Variants in CORO2B observed in about 807,000 individuals in gnomAD.
CORO2B encodes coronin 2B.
CORO2B carries 26 observed loss-of-function variants against 58.8 expected under a neutral mutation model. The ratio of observed to expected loss-of-function variants is 0.44; its 90% CI spans 0.32 to 0.61. The LOEUF (loss-of-function observed/expected upper bound fraction) is 0.61. CORO2B is among the 20% of genes least tolerant of loss of function. The pLI, the probability that CORO2B is intolerant of heterozygous loss-of-function variation, is 0.04. For synonymous variants in CORO2B, 242 were observed against 253.8 expected (o/e 0.95, Z 0.44); for missense variants, 460 against 645.1 (o/e 0.71, Z 3.11).
At chr15:68,725,812 C>T in intron 11 of CORO2B, 31 bp from the exon 12 acceptor site, 1 of 1,612,064 alleles carries the variant, frequency 6.2e-7, no homozygotes, top group Non-Finnish European at 8.5e-7. Flanking sequence ...CTCCTGGGCC[C>T]TCCTTGGCCC....
chr15:68,531,513 AAGGAAGGAAGGAAGGAAGG>A, the CORO2B span, among the ~76,000 whole-genome samples: 1 of 5,784 alleles, frequency 1.7e-4, no homozygotes, highest in Admixed American at 1.7e-3. Context: ...GGAAGGAAGG[AAGGAAGGAAGGAAGGAAGG>A]AAGGAAGGAA....
At chr15:68,610,395 C>A (rs1900220518) in intron 1 of CORO2B, among the ~76,000 whole-genome samples, 1 of 152,046 alleles carries the variant, frequency 6.6e-6, no homozygotes, top group African/African-American at 2.4e-5. Context: ...TTCCTGTATA[C>A]CCCCCAATTT....
chr15:68,710,931 G>A lies in CORO2B; in HGVS notation c.483+50G>A, dbSNP rs199949914. On this transcript the variant is annotated intron_variant, in intron 4 of 11. Transcript: ENST00000261861. This position sits in a 1 kb window ranked among gnomAD's most constrained non-coding sequence, Gnocchi z 4.1. ...TGGAGAGGGATTGGGGAAGAGAAAG[G>A]GGCCTTTTGGGTACCCGTAGGAAGC... 10 of 1,527,122 alleles carry A rather than the reference G, an allele frequency of 6.5e-6. No individual in the cohort carries two copies. In the African/African-American group the frequency reaches 1.4e-4, roughly 21 times the overall value. 94.6% of individuals were successfully genotyped at this position (1,527,122 alleles called of 1,614,324 possible).
intron 1 of CORO2B, chr15:68,631,973 T>C (rs1207270076): frequency 1.0e-6 from 1 of 985,298 alleles, no homozygotes; most frequent in Non-Finnish European, 1.2e-6. Context: ...GTGGGCTCTC[T>C]CTTGGTTGCT....
At position 68,669,255 on chromosome 15, in the gene CORO2B, G is replaced by T. The variant is rs187973296; in HGVS notation, c.216+23895G>T. On this transcript the variant is annotated intron_variant, in intron 2 of 11. Transcript: ENST00000261861. ...TTGAGAAGCAGGGAGCCCTGTTCAC[G>T]CCCAGACCATGGCCTGTTCACTGTG... 1.6e-3 allele frequency among the ~76,000 whole-genome samples: 251 copies of T among 152,324 alleles called. 2 individuals are homozygous for T. Among genetic ancestry groups the T allele is most frequent in the Non-Finnish European group, 2.8e-3 (191 of 68,026 alleles).
chr15:68,613,462 C>T (rs925856920), intron 1 of CORO2B, among the ~76,000 whole-genome samples: 1 of 152,192 alleles, frequency 6.6e-6, no homozygotes, highest in Admixed American at 6.5e-5. Context: ...TCCCTTCTTT[C>T]TCTCTATGTG....
intron 2 of CORO2B, among the ~76,000 whole-genome samples, chr15:68,685,420 C>T (rs1422704422): frequency 6.6e-6 from 1 of 152,206 alleles, no homozygotes; most frequent in Non-Finnish European, 1.5e-5. Flanking sequence ...CCATGTTGCC[C>T]AGGCTGGTCT....
At chr15:68,725,291 C>T (rs1343478502) in intron 11 of CORO2B, among the ~76,000 whole-genome samples, 3 of 152,110 alleles carry the variant, frequency 2.0e-5, no homozygotes, top group Non-Finnish European at 2.9e-5. Context: ...ATTGTTTGAA[C>T]CCAGGAGACA....
intron 1 of CORO2B, among the ~76,000 whole-genome samples, chr15:68,611,797 G>T (rs1251896313): frequency 4.1e-5 from 6 of 146,028 alleles, no homozygotes; most frequent in African/African-American, 1.5e-4. Flanking sequence ...TTTGAGACAA[G>T]ATCTTACTCT....
At chr15:68,610,220 T>C (rs1197931357) in intron 1 of CORO2B, among the ~76,000 whole-genome samples, 1 of 152,154 alleles carries the variant, frequency 6.6e-6, no homozygotes, top group Non-Finnish European at 1.5e-5. Flanking sequence ...TGTCAATGGA[T>C]GCGCCCAGAA....
the CORO2B span, among the ~76,000 whole-genome samples, chr15:68,528,347 A>G: frequency 1.3e-5 from 2 of 152,146 alleles, no homozygotes; most frequent in Non-Finnish European, 2.9e-5. Context: ...TTTTAATGAT[A>G]AATTACCACT....
chr15:68,620,771 CCACT>C (rs1205808090), intron 1 of CORO2B, among the ~76,000 whole-genome samples: 1 of 152,216 alleles, frequency 6.6e-6, no homozygotes, highest in Non-Finnish European at 1.5e-5. Flanking sequence ...CGTCACTCAG[CCACT>C]CACTCAGCCA....
Position 68,719,087 on chromosome 15 carries a change from G to T in CORO2B, c.1081-57G>T. On this transcript the variant is annotated intron_variant, in intron 9 of 11. Coordinates refer to ENST00000261861, the MANE Select transcript of CORO2B (RefSeq NM_006091.5). ...TCAGTAAGAAGAGTCTGACTGAAGA[G>T]TAGGGGCTTTCCCAGCAGCCCCCCA... is the stretch of plus-strand genomic sequence containing the variant. 5.2e-6 allele frequency: 7 copies of T among 1,336,854 alleles called. No individual in the cohort carries two copies. The South Asian group carries it at 8.2e-5, about 16-fold the overall frequency. The allele number at this position is 1,336,854 out of a possible 1,614,324, so 82.8% of individuals were successfully genotyped here.
chr15:68,574,834 TG>T (rs1373442025), upstream of CORO2B, among the ~76,000 whole-genome samples: 1 of 152,174 alleles, frequency 6.6e-6, no homozygotes. Flanking sequence ...ACACTTGAGC[TG>T]GGCTTTGAAA....
At chr15:68,684,025 A>T (rs965039063) in intron 2 of CORO2B, among the ~76,000 whole-genome samples, 2 of 152,184 alleles carry the variant, frequency 1.3e-5, no homozygotes, top group Non-Finnish European at 2.9e-5. Flanking sequence ...GAGTTATTTC[A>T]TCAGAGCTGC....
chr15:68,697,214 TTGGA>T lies in CORO2B; in HGVS notation c.333+1984_333+1987del, dbSNP rs201619943. 1.4e-4 allele frequency among the ~76,000 whole-genome samples: 20 copies of T among 148,116 alleles called. No individual in the cohort carries two copies. In the East Asian group the frequency reaches 2.4e-3, roughly 18 times the overall value. On this transcript the variant is annotated intron_variant, in intron 3 of 11. Coordinates refer to ENST00000261861, the MANE Select transcript of CORO2B (RefSeq NM_006091.5). ...GTTGGATGGATGGATGGATGGATTG[TTGGA>T]TGGATGGATGGATGGATGGATGGAT... is the stretch of plus-strand genomic sequence containing the variant.
chr15:68,710,086 A>G lies in CORO2B; in HGVS notation c.334-646A>G, dbSNP rs577817795. Among the ~76,000 whole-genome samples, 11 of 152,320 alleles carry G rather than the reference A, an allele frequency of 7.2e-5. No homozygotes were observed. The highest frequency in any genetic ancestry group is 5.9e-4 in the Admixed American group (9 of 15,294). On this transcript the variant is annotated intron_variant, in intron 3 of 11. Coordinates refer to ENST00000261861, the MANE Select transcript of CORO2B (RefSeq NM_006091.5). The surrounding 1 kb of genome is among the most constrained non-coding windows in gnomAD (Gnocchi z 4.1). ...CTGCATGTCCCATCCTCCTCTCTGC[A>G]GATCATCTTTTTCTGCTTCTTTATC...
chr15:68,532,487 CT>C, the CORO2B span, among the ~76,000 whole-genome samples: 1 of 151,998 alleles, frequency 6.6e-6, no homozygotes, highest in Non-Finnish European at 1.5e-5. Context: ...ATTTTAGGTT[CT>C]TTTTTATATC....
chr15:68,703,652 A>G (rs1286311459), intron 3 of CORO2B, among the ~76,000 whole-genome samples: 2 of 152,110 alleles, frequency 1.3e-5, no homozygotes, highest in Non-Finnish European at 2.9e-5. Flanking sequence ...TAGCTGTGTA[A>G]TAAGCAGCAG....
Sources: allele counts gnomAD v4.1 joint callset (sites outside exome capture counted in the v4.1 genomes callset), GRCh38; gene constraint gnomAD v4.1.1; non-coding constraint Gnocchi (gnomAD v3.1); transcripts MANE v1.5; gene names NCBI Gene and HGNC (gene_info 2026-07-23, HGNC 2026-07-21).